C1orf53: variants seen among roughly 807,000 people sequenced by gnomAD.
C1orf53 encodes chromosome 1 open reading frame 53, also known as uncharacterized protein C1orf53.
Under a neutral mutation model 17.5 loss-of-function variants are expected in C1orf53, and 23 were observed. The ratio of observed to expected loss-of-function variants is 1.31; its 90% CI spans 0.94 to 1.86. The LOEUF (loss-of-function observed/expected upper bound fraction) is 1.86. C1orf53 is among the 40% of genes most tolerant of loss of function. C1orf53 has a pLI of 0.00. For synonymous variants in C1orf53, 108 were observed against 81.9 expected, an observed-to-expected ratio of 1.32 and a Z score of -1.72; for missense variants, 255 against 193.2, an observed-to-expected ratio of 1.32 and a Z score of -1.89.
At position 197,905,811 on chromosome 1, in the gene C1orf53, T is replaced by C. The variant is rs780176821; in HGVS notation, c.280T>C (p.Tyr94His). The C allele has an allele frequency of 6.2e-7, 1 of 1,613,264 alleles. No individual in the cohort carries two copies. Among genetic ancestry groups the C allele is most frequent in the Admixed American group, 1.7e-5 (1 of 59,940 alleles). The change falls in exon 2 of 3, where the codon TAT becomes CAT. Residue 94 changes from tyrosine to histidine, a missense_variant. Physicochemically the swap from Tyr to His is moderately conservative, Grantham distance 83. Coordinates refer to ENST00000367393, the MANE Select transcript of C1orf53 (RefSeq NM_001024594.3). ...TGCACTTCAGGCTGGCCAGCTAAACTATGTGGATCCAGCTACTGGCTATGT... is the reference window on the plus strand; with the variant it reads ...TGCACTTCAGGCTGGCCAGCTAAACCATGTGGATCCAGCTACTGGCTATGT... ...AAACAAGQLN[Y>H]VDPATGYVVL...
rs547071965 is a variant in C1orf53 at position 197,907,089 on chromosome 1, G to A, written c.367-60G>A. ...GTCTCTTTTTGTCACCATGAGAAGT[G>A]TGCTTTTTCAAGATGATTGTTAAAT... On this transcript the variant is annotated intron_variant, in intron 2 of 2. Transcript: ENST00000367393. 25 of 1,024,490 alleles carry A rather than the reference G, an allele frequency of 2.4e-5. No individual in the cohort carries two copies. In the African/African-American group the frequency reaches 3.9e-4, roughly 16 times the overall value. 63.5% of individuals were successfully genotyped at this position (1,024,490 alleles called of 1,614,324 possible). A position where few individuals can be genotyped will look rare whatever the true frequency, so the allele number is the denominator to read the frequency against.
intron 1 of C1orf53, 91 bp from the exon 2 acceptor site, chr1:197,905,705 T>A: frequency 1.1e-6 from 1 of 913,784 alleles, no homozygotes; most frequent in Non-Finnish European, 1.7e-6. Context: ...TTGTTTAAAA[T>A]TTTTCTGCAG....
At position 197,905,852 on chromosome 1, in the gene C1orf53, T is replaced by G. The variant is rs1261444216; in HGVS notation, c.321T>G (p.Ile107Met). ...CTGGCTATGTGGTGCTCACACAGAT[T>G]GCCCACTTGCAAAGAGGTGAATGTT... ...PATGYVVLTQ[I>M]AHLQRGECCG... The change falls in exon 2 of 3, where the codon ATT becomes ATG. Residue 107 changes from isoleucine (I) to methionine (M), a missense_variant. Physicochemically the swap from Ile to Met is conservative, Grantham distance 10. Transcript: ENST00000367393. 1 of 1,613,992 alleles carries G rather than the reference T, an allele frequency of 6.2e-7. No homozygotes were observed. Among genetic ancestry groups the G allele is most frequent in the South Asian group, 1.1e-5 (1 of 91,080 alleles).
chr1:197,904,765 C>T (rs944619637), intron 1 of C1orf53, among the ~76,000 whole-genome samples: 7 of 152,186 alleles, frequency 4.6e-5, no homozygotes, highest in African/African-American at 1.7e-4. Context: ...TTTTGCTACA[C>T]ACTTTTCTCA....
rs894476361 is a variant in C1orf53, at chr1:197,907,188, A to G, written c.406A>G (p.Lys136Glu). Residue 136 changes from lysine to glutamate, a missense_variant, in exon 3 of 3, where the codon AAG becomes GAG. Transcript: ENST00000367393. ...GQVNVKDPSK[K>E]KQFNSYFYV ...AGTCAATGTTAAAGATCCATCTAAA[A>G]AGAAGCAATTCAATTCATATTTTTA... The G allele has an allele frequency of 1.8e-5, 29 of 1,585,156 alleles. No homozygotes were observed. The highest frequency in any genetic ancestry group is 2.3e-5 in the Non-Finnish European group (27 of 1,158,402).
At position 197,902,859 on chromosome 1, in the gene C1orf53, A is replaced by C. The variant is rs775495756; in HGVS notation, c.210A>C (p.Glu70Asp). Residue 70 changes from glutamate (E) to aspartate (D), a missense_variant, in exon 1 of 3, where the codon GAA becomes GAC. Coordinates refer to ENST00000367393, the MANE Select transcript of C1orf53 (RefSeq NM_001024594.3). ...PERAARPSVS[E>D]ELTAAERQIA... ...GAGCGGCGAGGCCTTCGGTGAGCGA[A>C]GAGTTAACCGCGGCGGAGCGACAGA... The C allele has an allele frequency of 3.3e-6, 5 of 1,537,062 alleles. No individual in the cohort carries two copies. Among genetic ancestry groups the C allele is most frequent in the African/African-American group, 2.8e-5 (2 of 70,548 alleles).
chr1:197,903,057 A>G, intron 1 of C1orf53, 144 bp downstream of exon 1: 1 of 716,748 alleles, frequency 1.4e-6, no homozygotes, highest in Non-Finnish European at 2.0e-6. Context: ...CTCGGGCGAC[A>G]TTCGCGCACG....
Position 197,907,164 on chromosome 1 carries a change from G to C in C1orf53, c.382G>C (p.Val128Leu). ...SACRHCPYGQ[V>L]NVKDPSKKKQ... ...TCTTCTGCAGTGTCCATATGGTCAA[G>C]TCAATGTTAAAGATCCATCTAAAAA... Residue 128 changes from valine (V) to leucine (L), a missense_variant, in exon 3 of 3, where the codon GTC becomes CTC. By Grantham distance (32) the Val-to-Leu change is conservative. Coordinates refer to ENST00000367393, the MANE Select transcript of C1orf53 (RefSeq NM_001024594.3). 6.4e-7 allele frequency: 1 copy of C among 1,573,846 alleles called. No individual in the cohort carries two copies. The highest frequency in any genetic ancestry group is 8.7e-7 in the Non-Finnish European group (1 of 1,151,518).
intron 1 of C1orf53, among the ~76,000 whole-genome samples, chr1:197,903,275 CA>C (rs1165847064): frequency 3.9e-5 from 6 of 152,114 alleles, no homozygotes; most frequent in African/African-American, 1.2e-4. Flanking sequence ...GAAGTCACAA[CA>C]AAAATGTGTT....
At chr1:197,905,931 T>G in intron 2 of C1orf53, 34 bp downstream of exon 2, 1 of 1,467,296 alleles carries the variant, frequency 6.8e-7, no homozygotes, top group South Asian at 1.1e-5. Context: ...AGCAGCAGTT[T>G]GCGGTGCTTC....
intron 1 of C1orf53, among the ~76,000 whole-genome samples, chr1:197,904,775 A>G (rs1175661650): frequency 2.0e-5 from 3 of 152,180 alleles, no homozygotes; most frequent in African/African-American, 7.2e-5. Context: ...CACTTTTCTC[A>G]TGAAACATAT....
At chr1:197,904,086 A>G (rs1452251151) in intron 1 of C1orf53, among the ~76,000 whole-genome samples, 1 of 152,232 alleles carries the variant, frequency 6.6e-6, no homozygotes, top group Non-Finnish European at 1.5e-5. Context: ...AGGTTAAATG[A>G]CTATCCAGGT....
intron 1 of C1orf53, among the ~76,000 whole-genome samples, chr1:197,903,280 ATGTGT>A (rs201526318): frequency 2.6e-5 from 4 of 152,196 alleles, no homozygotes; most frequent in Admixed American, 6.5e-5. Flanking sequence ...CACAACAAAA[ATGTGT>A]TGTGTGTTTT....
chr1:197,906,664 G>T (rs1659527745), intron 2 of C1orf53, among the ~76,000 whole-genome samples: 1 of 152,100 alleles, frequency 6.6e-6, no homozygotes, highest in Non-Finnish European at 1.5e-5. Flanking sequence ...TTGTTATAGG[G>T]TCAAGATTAT....
At position 197,907,339 on chromosome 1, in the gene C1orf53, A is replaced by C. The variant is rs1182534482; in HGVS notation, c.*119A>C. ...AGTTTAATCCTAAATACATATATTA[A>C]AAGAACATCAATAAAATGAAAAAGC... is the stretch of plus-strand genomic sequence containing the variant. On this transcript the variant is annotated 3_prime_UTR_variant, in exon 3 of 3. Coordinates refer to ENST00000367393, the MANE Select transcript of C1orf53 (RefSeq NM_001024594.3). 6 of 500,226 alleles carry C rather than the reference A, an allele frequency of 1.2e-5. No individual in the cohort carries two copies. The allele number at this position is 500,226 out of a possible 1,614,324, so 31.0% of individuals were successfully genotyped here. A position where few individuals can be genotyped will look rare whatever the true frequency, so the allele number is the denominator to read the frequency against.
intron 1 of C1orf53, among the ~76,000 whole-genome samples, chr1:197,904,431 A>C (rs1272351171): frequency 6.6e-6 from 1 of 152,252 alleles, no homozygotes; most frequent in Non-Finnish European, 1.5e-5. Context: ...CCAGGTTGCC[A>C]GATAATTGCC....
intron 2 of C1orf53, among the ~76,000 whole-genome samples, chr1:197,906,409 C>A (rs1344902670): frequency 6.6e-6 from 1 of 151,752 alleles, no homozygotes; most frequent in Admixed American, 6.6e-5. Flanking sequence ...TTCCCCACCC[C>A]CCGCCACCAC....
chr1:197,906,986 T>C lies in C1orf53; in HGVS notation c.367-163T>C, dbSNP rs1232241727. Among the ~76,000 whole-genome samples the C allele has an allele frequency of 2.6e-5, 4 of 152,212 alleles. No homozygotes were observed. The East Asian group carries it at 7.7e-4, about 29-fold the overall frequency. ...GGTTCTTGGACCCTAATTAGGATCA[T>C]TTGCCTGAGGTTGCCAATATTTTTC... On this transcript the variant is annotated intron_variant, in intron 2 of 2. Coordinates refer to ENST00000367393, the MANE Select transcript of C1orf53 (RefSeq NM_001024594.3).
In C1orf53 at chr1:197,907,331, A is replaced by G. The variant is rs570738817; in HGVS notation, c.*111A>G. 7.6e-6 allele frequency: 4 copies of G among 525,498 alleles called. No individual in the cohort carries two copies. The highest frequency in any genetic ancestry group is 4.0e-5 in the Admixed American group (1 of 24,818). The allele number at this position is 525,498 out of a possible 1,614,324, so 32.6% of individuals were successfully genotyped here. A position where few individuals can be genotyped will look rare whatever the true frequency, so the allele number is the denominator to read the frequency against. ...TGAACACTAGTTTAATCCTAAATAC[A>G]TATATTAAAAGAACATCAATAAAAT... On this transcript the variant is annotated 3_prime_UTR_variant, in exon 3 of 3. Transcript: ENST00000367393.
Sources: gnomAD v4.1 joint callset for allele counts (sites outside exome capture counted in the v4.1 genomes callset) on GRCh38, gnomAD v4.1.1 for gene constraint, MANE v1.5 for transcripts, NCBI Gene and HGNC (gene_info 2026-07-23, HGNC 2026-07-21) for gene names.